The following PCYT1B variants were observed in gnomAD, a reference collection of about 807,000 sequenced individuals.
The protein encoded by PCYT1B is choline-phosphate cytidylyltransferase B.
In PCYT1B, 10 loss-of-function variants were observed where a neutral mutation model predicts 26.4. The ratio of observed to expected loss-of-function variants is 0.38; its 90% CI spans 0.23 to 0.64. PCYT1B has a LOEUF of 0.64. Among genes scored for constraint, PCYT1B ranks in the 30% least tolerant of loss-of-function variants. PCYT1B has a pLI of 0.56. For missense variants in PCYT1B, 161 were observed against 292.7 expected (o/e 0.55, Z 3.28); for synonymous variants, 131 against 108.4 (o/e 1.21, Z -1.29).
intron 3 of PCYT1B, among the ~76,000 whole-genome samples, chrX:24,599,109 T>A (rs1158835813): frequency 8.9e-6 from 1 of 111,754 alleles, no homozygotes; most frequent in East Asian, 2.8e-4. Flanking sequence ...AAGAGTCATT[T>A]AATAACTCTT....
intron 7 of PCYT1B, among the ~76,000 whole-genome samples, chrX:24,563,223 G>A (rs916431614): frequency 4.7e-4 from 53 of 111,958 alleles, no homozygotes; most frequent in African/African-American, 1.6e-3. Flanking sequence ...TATGTCAGAT[G>A]GATCTGTGGT....
intron 1 of PCYT1B, among the ~76,000 whole-genome samples, chrX:24,655,324 A>T (rs1284090831): frequency 1.8e-5 from 2 of 112,451 alleles, no homozygotes. Context: ...CTGCTGAGCT[A>T]ACTCATGCAG....
At chrX:24,609,198 T>C (rs1277124279) in intron 2 of PCYT1B, among the ~76,000 whole-genome samples, 1 of 109,850 alleles carries the variant, frequency 9.1e-6, no homozygotes, top group Non-Finnish European at 1.9e-5. Flanking sequence ...TGAGACAGAG[T>C]CTTGCTCTGT....
chrX:24,585,259 G>A (rs1924332748), intron 5 of PCYT1B, among the ~76,000 whole-genome samples: 1 of 111,572 alleles, frequency 9.0e-6, no homozygotes, highest in Non-Finnish European at 1.9e-5. Flanking sequence ...AGGGCCACTG[G>A]CACCTTGTTT....
At chrX:24,620,187 C>T (rs753671259) in intron 1 of PCYT1B, among the ~76,000 whole-genome samples, 2 of 112,398 alleles carry the variant, frequency 1.8e-5, no homozygotes, top group South Asian at 3.7e-4. Context: ...CTCACTTCTG[C>T]CATTTATTTA....
chrX:24,614,593 A>C (rs1925423751), intron 2 of PCYT1B, among the ~76,000 whole-genome samples: 1 of 111,822 alleles, frequency 8.9e-6, no homozygotes, highest in African/African-American at 3.3e-5. Flanking sequence ...CAAATACCAA[A>C]TTCTGCTATG....
chrX:24,601,712 T>C (rs1396650314), intron 3 of PCYT1B, among the ~76,000 whole-genome samples: 1 of 111,746 alleles, frequency 8.9e-6, no homozygotes, highest in Non-Finnish European at 1.9e-5. Context: ...CAATATCATA[T>C]GTCACTAGGA....
intron 7 of PCYT1B, among the ~76,000 whole-genome samples, chrX:24,571,560 C>A (rs191352009): frequency 1.8e-5 from 2 of 109,832 alleles, no homozygotes; most frequent in African/African-American, 6.7e-5. Flanking sequence ...CATGTAAGGG[C>A]TTCAATTTTA....
intron 6 of PCYT1B, 114 bp downstream of exon 6, chrX:24,579,202 A>AGT: frequency 1.8e-6 from 1 of 564,174 alleles, no homozygotes; most frequent in Non-Finnish European, 2.7e-6. Context: ...AAAAAAAAAG[A>AGT]GAGAGAGAGA....
At chrX:24,654,749 CAAAAAAAAAA>C (rs574317952) in intron 1 of PCYT1B, among the ~76,000 whole-genome samples, 2 of 40,049 alleles carry the variant, frequency 5.0e-5, no homozygotes, top group Admixed American at 4.6e-4. Context: ...GACCCTGTCT[CAAAAAAAAAA>C]AAAAAAAAAA....
At chrX:24,668,572 A>G (rs1259975493) in intron 1 of PCYT1B, among the ~76,000 whole-genome samples, 1 of 110,830 alleles carries the variant, frequency 9.0e-6, no homozygotes, top group African/African-American at 3.3e-5. Flanking sequence ...TACCTTTTCC[A>G]GGGAATCACA....
At chrX:24,626,063 G>C (rs1925874606) in intron 1 of PCYT1B, among the ~76,000 whole-genome samples, 1 of 109,881 alleles carries the variant, frequency 9.1e-6, no homozygotes, top group African/African-American at 3.3e-5. Flanking sequence ...GCAGTGAGCT[G>C]AGATCACGCC....
intron 5 of PCYT1B, among the ~76,000 whole-genome samples, chrX:24,582,905 T>C (rs1924250331): frequency 8.9e-6 from 1 of 112,213 alleles, no homozygotes; most frequent in African/African-American, 3.2e-5. Context: ...AGATCATTAC[T>C]GTGATTCTCC....
At chrX:24,594,916 T>C (rs1284517549) in intron 3 of PCYT1B, among the ~76,000 whole-genome samples, 1 of 111,615 alleles carries the variant, frequency 9.0e-6, no homozygotes, top group Non-Finnish European at 1.9e-5. Flanking sequence ...CCAGCTCTGC[T>C]ATTACCGGAA....
intron 3 of PCYT1B, among the ~76,000 whole-genome samples, chrX:24,592,776 C>T (rs1409525298): frequency 8.9e-6 from 1 of 111,859 alleles, no homozygotes; most frequent in Non-Finnish European, 1.9e-5. Flanking sequence ...TCCCAGCTCC[C>T]CGGCCTTGCA....
intron 5 of PCYT1B, among the ~76,000 whole-genome samples, chrX:24,586,469 G>A (rs911058472): frequency 6.2e-5 from 7 of 112,437 alleles, no homozygotes; most frequent in African/African-American, 2.3e-4. Context: ...AATGGTGGGA[G>A]CAAGCTGAGT....
chrX:24,572,268 A>G (rs1923856450), intron 7 of PCYT1B, among the ~76,000 whole-genome samples: 1 of 109,041 alleles, frequency 9.2e-6, no homozygotes, highest in East Asian at 2.9e-4. Context: ...ACGCGCGCGC[A>G]CACACACACA....
chrX:24,567,387 G>A (rs1349616588), intron 7 of PCYT1B, among the ~76,000 whole-genome samples: 2 of 112,234 alleles, frequency 1.8e-5, no homozygotes, highest in Admixed American at 9.5e-5. Flanking sequence ...ATTTTGAAGG[G>A]TGGTTCCCTT....
At chrX:24,624,610 G>A (rs1925828932) in intron 1 of PCYT1B, among the ~76,000 whole-genome samples, 2 of 111,951 alleles carry the variant, frequency 1.8e-5, no homozygotes, top group Admixed American at 9.5e-5. Context: ...CCAGTTGGTT[G>A]GGAAGCGTGC....
Sources: gnomAD v4.1 joint callset for allele counts (sites outside exome capture counted in the v4.1 genomes callset) on GRCh38, gnomAD v4.1.1 for gene constraint, MANE v1.5 for transcripts, NCBI Gene and HGNC (gene_info 2026-07-23, HGNC 2026-07-21) for gene names.